The following CHRM3 variants were observed in gnomAD, a reference collection of about 807,000 sequenced individuals.
The protein encoded by CHRM3 is muscarinic acetylcholine receptor M3.
CHRM3 carries 11 observed loss-of-function variants against 41.8 expected under a neutral mutation model. That is an observed-to-expected ratio of 0.26 (90% CI 0.17 to 0.44). The LOEUF is 0.44. Among genes scored for constraint, CHRM3 ranks in the 20% least tolerant of loss-of-function variants. CHRM3 has a pLI of 1.00. For missense variants in CHRM3, 571 were observed against 745.4 expected (o/e 0.77, Z 2.72); for synonymous variants, 297 against 301.4 (o/e 0.99, Z 0.15).
chr1:239,435,633 T>G (rs927650577), intron 1 of CHRM3, among the ~76,000 whole-genome samples: 1 of 152,090 alleles, frequency 6.6e-6, no homozygotes, highest in East Asian at 1.9e-4. Context: ...ATGTTTCTTT[T>G]TGGTAAGTGT....
At chr1:239,717,072 C>G (rs1662455051) in intron 5 of CHRM3, among the ~76,000 whole-genome samples, 1 of 150,976 alleles carries the variant, frequency 6.6e-6, no homozygotes, top group South Asian at 2.1e-4. Flanking sequence ...AATAAAGTTA[C>G]CATGAGTACA....
At position 239,805,630 on chromosome 1, in the gene CHRM3, A is replaced by ATGTG. The variant is rs5782101; in HGVS notation, c.-146-21600_-146-21597dup. Among the ~76,000 whole-genome samples, 1,117 of 148,872 alleles carry ATGTG rather than the reference A, an allele frequency of 7.5e-3. 9 individuals carry two copies. Among genetic ancestry groups the ATGTG allele is most frequent in the African/African-American group, 0.025 (1,007 of 40,672 alleles). Reference sequence around the variant, plus strand: ...CCTTGATAGGAGGCAGGTGGGGTGAATGTGTGTGTGTGTGTGTGTGTGTGT... The same window carrying ATGTG: ...CCTTGATAGGAGGCAGGTGGGGTGAATGTGTGTGTGTGTGTGTGTGTGTGTGTGT... On this transcript the variant is annotated intron_variant, in intron 5 of 6. Coordinates refer to ENST00000676153, the MANE Select transcript of CHRM3 (RefSeq NM_001375978.1).
chr1:239,712,804 TG>T (rs1273823949), intron 5 of CHRM3, among the ~76,000 whole-genome samples: 1 of 152,176 alleles, frequency 6.6e-6, no homozygotes, highest in Non-Finnish European at 1.5e-5. Context: ...GGAGTAGAGA[TG>T]GTCTGTTATC....
intron 3 of CHRM3, among the ~76,000 whole-genome samples, chr1:239,550,619 C>G (rs991931942): frequency 1.3e-5 from 2 of 151,964 alleles, no homozygotes; most frequent in South Asian, 4.1e-4. Context: ...AAAAGTATGA[C>G]CAGAAAAAAA....
chr1:239,759,332 C>G (rs112255857), intron 5 of CHRM3, among the ~76,000 whole-genome samples: 9,200 of 148,638 alleles, frequency 0.062, 691 homozygotes, highest in African/African-American at 0.17. Flanking sequence ...AAAAAAGCTA[C>G]TGTATTATCT....
chr1:239,891,740 C>A (rs1420869838), intron 6 of CHRM3, among the ~76,000 whole-genome samples: 8 of 152,158 alleles, frequency 5.3e-5, no homozygotes, highest in Non-Finnish European at 1.0e-4. Context: ...AAGCAGAGGA[C>A]ACGAAAACCC....
At chr1:239,790,693 C>T (rs2148858574) in intron 5 of CHRM3, among the ~76,000 whole-genome samples, 1 of 152,298 alleles carries the variant, frequency 6.6e-6, no homozygotes, top group Admixed American at 6.5e-5. Context: ...GAAACCTAGG[C>T]AGAGAATCAC....
chr1:239,505,050 A>G (rs1290581523), intron 2 of CHRM3, among the ~76,000 whole-genome samples: 1 of 152,166 alleles, frequency 6.6e-6, no homozygotes, highest in African/African-American at 2.4e-5. Flanking sequence ...CTGTACCTCA[A>G]TAACTTATGG....
chr1:239,571,825 A>G (rs1422065197), intron 3 of CHRM3, among the ~76,000 whole-genome samples: 1 of 152,178 alleles, frequency 6.6e-6, no homozygotes, highest in East Asian at 1.9e-4. Context: ...GTGCTAACTC[A>G]TAAATGTAAA....
At chr1:239,404,358 A>AGGAAGGAAGGAAGAAAGAAAGAGAAAG in intron 1 of CHRM3, among the ~76,000 whole-genome samples, 1 of 47,138 alleles carries the variant, frequency 2.1e-5, no homozygotes, top group African/African-American at 7.9e-5. Flanking sequence ...AAGAGAAAGA[A>AGGAAGGAAGGAAGAAAGAAAGAGAAAG]AGAAAGAAAG....
intron 3 of CHRM3, among the ~76,000 whole-genome samples, chr1:239,604,078 C>T (rs1665940938): frequency 6.6e-6 from 1 of 151,996 alleles, no homozygotes; most frequent in Non-Finnish European, 1.5e-5. Context: ...AAAAAGTTTC[C>T]TTGTGTAAAT....
intron 2 of CHRM3, among the ~76,000 whole-genome samples, chr1:239,537,281 G>A (rs61065117): frequency 0.016 from 2,360 of 152,134 alleles, 70 homozygotes; most frequent in African/African-American, 0.054. Context: ...AGGCTTAATT[G>A]GCTCCCGGTT....
chr1:239,407,415 T>TAGAGAGAGAGAGAG (rs1180680401), intron 1 of CHRM3, among the ~76,000 whole-genome samples: 1 of 105,940 alleles, frequency 9.4e-6, no homozygotes, highest in Non-Finnish European at 2.4e-5. Context: ...AATATATATA[T>TAGAGAGAGAGAGAG]ATAGAGAGAG....
chr1:239,389,652 C>T (rs1658848191), intron 1 of CHRM3, among the ~76,000 whole-genome samples: 1 of 152,100 alleles, frequency 6.6e-6, no homozygotes, highest in Non-Finnish European at 1.5e-5. Context: ...ATTGAATAGA[C>T]AGAAAGTTAA....
intron 1 of CHRM3, among the ~76,000 whole-genome samples, chr1:239,427,634 C>T (rs996256495): frequency 2.0e-5 from 3 of 152,062 alleles, no homozygotes; most frequent in African/African-American, 7.2e-5. Flanking sequence ...GGGCCCAGGG[C>T]AGGGTCAAGA....
intron 3 of CHRM3, among the ~76,000 whole-genome samples, chr1:239,595,244 A>G (rs1664655990): frequency 6.6e-6 from 1 of 152,202 alleles, no homozygotes; most frequent in African/African-American, 2.4e-5. Context: ...TTTAAAGTAA[A>G]CAGGAAGATG....
chr1:239,764,949 A>G (rs912714173), intron 5 of CHRM3, among the ~76,000 whole-genome samples: 4 of 152,240 alleles, frequency 2.6e-5, no homozygotes, highest in Admixed American at 1.3e-4. Flanking sequence ...CTGAGGTGAA[A>G]TACCATGATT....
intron 6 of CHRM3, among the ~76,000 whole-genome samples, chr1:239,877,825 G>T (rs1348389524): frequency 6.6e-6 from 1 of 152,018 alleles, no homozygotes; most frequent in East Asian, 1.9e-4. Context: ...GTGATGGGGA[G>T]GAGAGGAGGG....
At chr1:239,501,578 G>T (rs1443805116) in intron 2 of CHRM3, among the ~76,000 whole-genome samples, 1 of 152,174 alleles carries the variant, frequency 6.6e-6, no homozygotes, top group Non-Finnish European at 1.5e-5. Context: ...CAAGTGGGCT[G>T]GGCGTGGTGG....
Sources: gnomAD v4.1 joint callset for allele counts (sites outside exome capture counted in the v4.1 genomes callset) on GRCh38, gnomAD v4.1.1 for gene constraint, MANE v1.5 for transcripts, NCBI Gene and HGNC (gene_info 2026-07-23, HGNC 2026-07-21) for gene names.